Variants in MCPH1 observed in about 807,000 individuals in gnomAD.
MCPH1 encodes microcephalin.
A neutral mutation model predicts 84.5 loss-of-function variants in MCPH1; 104 were observed. That is an observed-to-expected ratio of 1.23 (90% CI 1.05 to 1.45). MCPH1 has a LOEUF of 1.45. Ranked by LOEUF, MCPH1 falls within the 40% of genes most tolerant of loss-of-function variation. The probability of loss-of-function intolerance (pLI) is 0.00; values close to 1 mark genes in which losing one functional copy is unlikely to be tolerated. For missense variants in MCPH1, 1,498 were observed against 1,005.7 expected, an observed-to-expected ratio of 1.49 and a Z score of -6.62; for synonymous variants, 514 against 366.8, an observed-to-expected ratio of 1.40 and a Z score of -4.58.
intron 11 of MCPH1, among the ~76,000 whole-genome samples, chr8:6,491,518 A>C (rs1810585051): frequency 6.6e-6 from 1 of 151,402 alleles, no homozygotes. Flanking sequence ...GTACATGTGC[A>C]CAACATGCAG....
chr8:6,608,328 A>G (rs1829961432), intron 12 of MCPH1, among the ~76,000 whole-genome samples: 3 of 152,358 alleles, frequency 2.0e-5, no homozygotes, highest in African/African-American at 7.2e-5. Flanking sequence ...GCCTAAAGGC[A>G]ATCGCAAGGA....
At chr8:6,526,871 A>C (rs1431222120) in intron 12 of MCPH1, among the ~76,000 whole-genome samples, 1 of 152,168 alleles carries the variant, frequency 6.6e-6, no homozygotes, top group Non-Finnish European at 1.5e-5. Context: ...GTCCCCACCT[A>C]TCCCCTACAA....
intron 2 of MCPH1, among the ~76,000 whole-genome samples, chr8:6,412,104 A>C (rs969904246): frequency 6.6e-6 from 1 of 152,140 alleles, no homozygotes; most frequent in African/African-American, 2.4e-5. Flanking sequence ...TGAATACCCT[A>C]AGAGCCTTGT....
At chr8:6,579,110 AG>A in intron 12 of MCPH1, among the ~76,000 whole-genome samples, 1 of 152,186 alleles carries the variant, frequency 6.6e-6, no homozygotes. Context: ...AGAGGAAGGG[AG>A]AACGTCTTTC....
At chr8:6,630,765 G>A (rs112951958) in intron 13 of MCPH1, among the ~76,000 whole-genome samples, 6 of 129,124 alleles carry the variant, frequency 4.6e-5, no homozygotes, top group East Asian at 2.3e-4. Context: ...TGGGCAACTA[G>A]AGCAAAACTC....
chr8:6,512,609 C>T (rs796133088), intron 12 of MCPH1, among the ~76,000 whole-genome samples: 15 of 152,344 alleles, frequency 9.8e-5, no homozygotes, highest in African/African-American at 3.6e-4. Flanking sequence ...TCCCGTTGCA[C>T]ACACATTTCG....
intron 12 of MCPH1, among the ~76,000 whole-genome samples, chr8:6,614,199 A>C (rs1455609487): frequency 6.6e-6 from 1 of 152,216 alleles, no homozygotes; most frequent in African/African-American, 2.4e-5. Flanking sequence ...TGCAATGATC[A>C]GCACTAGGAT....
In MCPH1 at chr8:6,491,628, C is replaced by T. The variant is rs565818621; in HGVS notation, c.2137-8224C>T. Among the ~76,000 whole-genome samples, 130 of 152,126 alleles carry T rather than the reference C, an allele frequency of 8.5e-4. 1 individual carries two copies. Among genetic ancestry groups the T allele is most frequent in the Middle Eastern group, 6.8e-3 (2 of 292 alleles). On this transcript the variant is annotated intron_variant, in intron 11 of 13. Transcript: ENST00000344683. ...CTCCTAATGCTATCCCTCCCCACTC[C>T]CCCGACCCCACAACAGGCCCTGGTG...
intron 12 of MCPH1, among the ~76,000 whole-genome samples, chr8:6,550,066 G>T (rs1479866938): frequency 6.6e-6 from 1 of 152,172 alleles, no homozygotes; most frequent in Non-Finnish European, 1.5e-5. Flanking sequence ...CACTGATGTT[G>T]CCCACCCTTT....
At chr8:6,432,257 C>T in intron 4 of MCPH1, among the ~76,000 whole-genome samples, 1 of 152,358 alleles carries the variant, frequency 6.6e-6, no homozygotes, top group Non-Finnish European at 1.5e-5. Context: ...TGAGCCACTG[C>T]ACCTGGCTCC....
At chr8:6,541,777 G>A (rs904377526) in intron 12 of MCPH1, among the ~76,000 whole-genome samples, 2 of 152,146 alleles carry the variant, frequency 1.3e-5, no homozygotes, top group African/African-American at 4.8e-5. Context: ...GCCAAGGTAG[G>A]AGGATCACTT....
chr8:6,459,140 T>G (rs1806001442), intron 9 of MCPH1, among the ~76,000 whole-genome samples: 1 of 152,232 alleles, frequency 6.6e-6, no homozygotes, highest in Non-Finnish European at 1.5e-5. Context: ...AGCTTCTGAG[T>G]AGCAGCCTAC....
chr8:6,511,691 A>C (rs978513908), intron 12 of MCPH1, among the ~76,000 whole-genome samples: 1 of 152,166 alleles, frequency 6.6e-6, no homozygotes, highest in African/African-American at 2.4e-5. Context: ...TGTAATATCT[A>C]TTTTATCTTG....
intron 12 of MCPH1, chr8:6,507,681 A>G (rs1472589811): frequency 1.4e-5 from 2 of 144,342 alleles, no homozygotes; most frequent in East Asian, 2.1e-4. Flanking sequence ...GGTTCAAGCC[A>G]TTCTCCTGCC....
At chr8:6,510,965 T>C (rs779732489) in intron 12 of MCPH1, among the ~76,000 whole-genome samples, 4 of 152,186 alleles carry the variant, frequency 2.6e-5, no homozygotes, top group Non-Finnish European at 4.4e-5. Context: ...TAAATACTCA[T>C]CTCTGTTGGG....
At chr8:6,570,077 A>T (rs1239092342) in intron 12 of MCPH1, among the ~76,000 whole-genome samples, 1 of 152,240 alleles carries the variant, frequency 6.6e-6, no homozygotes, top group Non-Finnish European at 1.5e-5. Context: ...AGTTAATCTT[A>T]CTATGTGCAT....
intron 3 of MCPH1, among the ~76,000 whole-genome samples, chr8:6,419,693 T>C (rs1379999733): frequency 1.3e-5 from 2 of 152,054 alleles, no homozygotes; most frequent in African/African-American, 4.8e-5. Context: ...GAATTTTTTT[T>C]ATAGAGATGG....
Position 6,605,807 on chromosome 8 carries a change from C to A in MCPH1, c.2215-15647C>A, listed in dbSNP as rs542107963. Among the ~76,000 whole-genome samples, 10 of 152,324 alleles carry A rather than the reference C, an allele frequency of 6.6e-5. No homozygotes were observed. In the East Asian group the frequency reaches 1.9e-3, roughly 29 times the overall value. On this transcript the variant is annotated intron_variant, in intron 12 of 13. Transcript: ENST00000344683. ...CCACCTCCCAGGTTCAAGCAATTCT[C>A]GTGCCTCAGACTCCCAAGTAGCTGG...
Position 6,444,587 on chromosome 8 carries a change from CAG to C in MCPH1, c.867_868del (p.Lys290IlefsTer4), listed in dbSNP as rs1324330031. ...SFTHLDKSSP[Q>X]KFLSNLSKEE... ...CACTCACCTCGATAAATCAAGTCCT[CAG>C]AAATTTCTGAGTAATCTTTCAAAGG... On this transcript the variant is annotated frameshift_variant, in exon 8 of 14. Transcript: ENST00000344683. LOFTEE classifies it high-confidence loss of function. 1 of 1,614,028 alleles carries C rather than the reference CAG, an allele frequency of 6.2e-7. No individual in the cohort carries two copies. Among genetic ancestry groups the C allele is most frequent in the African/African-American group, 1.3e-5 (1 of 74,926 alleles).
Sources: allele counts gnomAD v4.1 joint callset (sites outside exome capture counted in the v4.1 genomes callset), GRCh38; gene constraint gnomAD v4.1.1; transcripts MANE v1.5; gene names NCBI Gene and HGNC (gene_info 2026-07-23, HGNC 2026-07-21).